Variants in CDH13 observed in about 807,000 individuals in gnomAD.
The protein encoded by CDH13 is cadherin 13, also known as cadherin-13.
Under a neutral mutation model 63.8 loss-of-function variants are expected in CDH13, and 24 were observed. The observed-to-expected ratio is 0.38, with a 90% CI of 0.27 to 0.53. CDH13 has a LOEUF of 0.53. CDH13 is among the 20% of genes least tolerant of loss of function. CDH13 has a pLI of 0.85. For synonymous variants in CDH13, 503 were observed against 355.3 expected, an observed-to-expected ratio of 1.42 and a Z score of -4.67; for missense variants, 1,049 against 903.1, an observed-to-expected ratio of 1.16 and a Z score of -2.07.
chr16:83,305,696 A>C (rs2089858157), intron 5 of CDH13, among the ~76,000 whole-genome samples: 1 of 152,136 alleles, frequency 6.6e-6, no homozygotes. Context: ...ATTAATAGCC[A>C]TGTGATCCCG....
chr16:83,622,827 G>T (rs931211076), intron 8 of CDH13, among the ~76,000 whole-genome samples: 6 of 152,146 alleles, frequency 3.9e-5, no homozygotes, highest in Admixed American at 6.5e-5. Context: ...GGGTTGCAGC[G>T]GCCTCAGCTT....
chr16:82,706,161 C>T lies in CDH13; in HGVS notation c.45+79024C>T, dbSNP rs576216616. 3.0e-4 allele frequency among the ~76,000 whole-genome samples: 45 copies of T among 152,224 alleles called. No individual in the cohort carries two copies. In the South Asian group the frequency reaches 3.7e-3, roughly 13 times the overall value. The stretch of plus-strand genomic sequence containing the variant: ...TTCCCTTTCTTTCCGCCTCCCTTCT[C>T]CCTTTTTCGCTCCCTCTTTCCCTTC... On this transcript the variant is annotated intron_variant, in intron 1 of 13. Transcript: ENST00000567109.
intron 7 of CDH13, among the ~76,000 whole-genome samples, chr16:83,575,163 G>A (rs528079563): frequency 1.3e-5 from 2 of 152,286 alleles, no homozygotes; most frequent in African/African-American, 4.8e-5. Flanking sequence ...AAGGCAGATG[G>A]TGACTGCTGA....
At chr16:82,827,502 C>G (rs1459655571) in intron 1 of CDH13, among the ~76,000 whole-genome samples, 1 of 152,120 alleles carries the variant, frequency 6.6e-6, no homozygotes, top group Admixed American at 6.5e-5. Flanking sequence ...GTCTTGGGCT[C>G]TGTAAGTGAG....
At chr16:82,735,899 A>G (rs2033647147) in intron 1 of CDH13, among the ~76,000 whole-genome samples, 1 of 152,208 alleles carries the variant, frequency 6.6e-6, no homozygotes, top group Non-Finnish European at 1.5e-5. Flanking sequence ...TGGCTTGGCT[A>G]TTTACATGAG....
chr16:83,469,492 T>C (rs2073401605), intron 6 of CDH13, among the ~76,000 whole-genome samples: 1 of 152,158 alleles, frequency 6.6e-6, no homozygotes, highest in Non-Finnish European at 1.5e-5. Context: ...CAGCGGGGAA[T>C]AACTAAAGCT....
chr16:83,693,753 G>A (rs1285377415), intron 10 of CDH13, among the ~76,000 whole-genome samples: 1 of 152,176 alleles, frequency 6.6e-6, no homozygotes, highest in Non-Finnish European at 1.5e-5. Context: ...TTTTTCTAGA[G>A]CACACATATA....
chr16:83,366,797 C>T (rs906525809), intron 6 of CDH13, among the ~76,000 whole-genome samples: 1 of 152,094 alleles, frequency 6.6e-6, no homozygotes, highest in Non-Finnish European at 1.5e-5. Context: ...CACAGAAGGT[C>T]ATGGTGTGGT....
intron 5 of CDH13, among the ~76,000 whole-genome samples, chr16:83,320,044 G>T (rs987748025): frequency 4.6e-5 from 7 of 152,128 alleles, no homozygotes; most frequent in Non-Finnish European, 7.4e-5. Flanking sequence ...GTCTTGGACT[G>T]CCCGTTTGTT....
chr16:83,395,147 CAA>C (rs56374797), intron 6 of CDH13, among the ~76,000 whole-genome samples: 2,284 of 106,644 alleles, frequency 0.021, 24 homozygotes, highest in Non-Finnish European at 0.03. Context: ...GACTCCATCT[CAA>C]AAAAAAAAAA....
At chr16:83,682,869 C>T (rs1279795317) in intron 10 of CDH13, among the ~76,000 whole-genome samples, 3 of 152,186 alleles carry the variant, frequency 2.0e-5, no homozygotes, top group Admixed American at 6.5e-5. Flanking sequence ...ATCCTAATGG[C>T]CACTGTCACC....
chr16:82,822,418 C>G (rs537986176), intron 1 of CDH13, among the ~76,000 whole-genome samples: 1 of 152,154 alleles, frequency 6.6e-6, no homozygotes, highest in Non-Finnish European at 1.5e-5. Flanking sequence ...AGGGGATGCA[C>G]ATTCACATAC....
intron 5 of CDH13, among the ~76,000 whole-genome samples, chr16:83,318,435 A>G (rs1255427313): frequency 1.3e-5 from 2 of 152,240 alleles, no homozygotes; most frequent in African/African-American, 4.8e-5. Context: ...TTCTAAAAGC[A>G]ATGAACCAGG....
At chr16:82,634,611 T>A (rs1908425336) in intron 1 of CDH13, among the ~76,000 whole-genome samples, 1 of 152,224 alleles carries the variant, frequency 6.6e-6, no homozygotes, top group African/African-American at 2.4e-5. Context: ...TTTATGTAAT[T>A]GTTTATGGCT....
intron 2 of CDH13, among the ~76,000 whole-genome samples, chr16:83,008,182 C>CA (rs1462655886): frequency 6.6e-6 from 1 of 151,954 alleles, no homozygotes. Context: ...GTATAAATAA[C>CA]AAAAACATAC....
intron 11 of CDH13, among the ~76,000 whole-genome samples, chr16:83,755,750 CAAA>C (rs11440971): frequency 1.6e-4 from 20 of 128,280 alleles, no homozygotes; most frequent in Non-Finnish European, 2.5e-4. Context: ...ACTTTTGGGG[CAAA>C]AAAAAAAAAA....
chr16:82,676,800 C>T (rs1326625767), intron 1 of CDH13, among the ~76,000 whole-genome samples: 2 of 152,182 alleles, frequency 1.3e-5, no homozygotes, highest in African/African-American at 2.4e-5. Context: ...CCAGCCACCC[C>T]AGTCCTTGTT....
chr16:83,214,539 C>G (rs1485024644), intron 4 of CDH13, among the ~76,000 whole-genome samples: 1 of 113,232 alleles, frequency 8.8e-6, no homozygotes, highest in East Asian at 2.9e-4. Context: ...GAAATTGCAC[C>G]ACTGCATTCC....
chr16:83,217,932 A>C lies in CDH13; in HGVS notation c.636+435A>C, dbSNP rs557518762. Among the ~76,000 whole-genome samples, 6 of 152,346 alleles carry C rather than the reference A, an allele frequency of 3.9e-5. No homozygotes were observed. The South Asian group carries it at 1.0e-3, about 26-fold the overall frequency. On this transcript the variant is annotated intron_variant, in intron 5 of 13. Transcript: ENST00000567109. ...TAAAGGAGTAGTTAAATTATGGCAG[A>C]TTTTGCAAGGCAGTTTTCTCTAGCC...
Sources: allele counts gnomAD v4.1 joint callset (sites outside exome capture counted in the v4.1 genomes callset), GRCh38; gene constraint gnomAD v4.1.1; transcripts MANE v1.5; gene names NCBI Gene and HGNC (gene_info 2026-07-23, HGNC 2026-07-21).